Variants in TRIP4 observed in about 807,000 individuals in gnomAD.
TRIP4 encodes thyroid hormone receptor interactor 4.
A neutral mutation model predicts 81.8 loss-of-function variants in TRIP4; 54 were observed. The ratio of observed to expected loss-of-function variants is 0.66; its 90% CI spans 0.53 to 0.83. TRIP4 has a LOEUF of 0.83. TRIP4 is among the 40% of genes least tolerant of loss of function. The probability of loss-of-function intolerance (pLI) is 0.00; values close to 1 mark genes in which losing one functional copy is unlikely to be tolerated. For synonymous variants in TRIP4, 270 were observed against 242.8 expected (o/e 1.11, Z -1.04); for missense variants, 662 against 683.6 (o/e 0.97, Z 0.35).
At chr15:64,392,592 C>A (rs1342274477) in intron 1 of TRIP4, among the ~76,000 whole-genome samples, 1 of 151,988 alleles carries the variant, frequency 6.6e-6, no homozygotes, top group African/African-American at 2.4e-5. Flanking sequence ...CTCAGCCTCC[C>A]AAAGTGCTGG....
Position 64,413,540 on chromosome 15 carries a change from C to T in TRIP4, c.1044-545C>T, listed in dbSNP as rs1429945571. Among the ~76,000 whole-genome samples the T allele has an allele frequency of 5.3e-5, 8 of 151,810 alleles. 1 individual carries two copies. The highest frequency in any genetic ancestry group is 1.9e-4 in the East Asian group (1 of 5,186). On this transcript the variant is annotated intron_variant, in intron 7 of 12. Coordinates refer to ENST00000261884, the MANE Select transcript of TRIP4 (RefSeq NM_016213.5). Reference sequence around the variant, plus strand: ...TTGTTGAGCAGGTGAATGACTGTAGCGTGCCCTATGTATTTTCTTGGTATT... The same window carrying T: ...TTGTTGAGCAGGTGAATGACTGTAGTGTGCCCTATGTATTTTCTTGGTATT...
rs752075004 is a variant in TRIP4 at position 64,424,018 on chromosome 15, C to T, written c.1359-13C>T. 5 of 1,612,918 alleles carry T rather than the reference C, an allele frequency of 3.1e-6. No homozygotes were observed. The South Asian group carries it at 4.4e-5, about 14-fold the overall frequency. ...AATTTATATCCTTCCCACTAAATTT[C>T]TATTTGTTTAAGGGTGGAGGGCAGA... On this transcript the variant is annotated splice_polypyrimidine_tract_variant and intron_variant, in intron 9 of 12. Coordinates refer to ENST00000261884, the MANE Select transcript of TRIP4 (RefSeq NM_016213.5).
intron 11 of TRIP4, among the ~76,000 whole-genome samples, chr15:64,442,301 G>C (rs1354108351): frequency 1.3e-5 from 2 of 152,144 alleles, no homozygotes; most frequent in Non-Finnish European, 2.9e-5. Context: ...GAAGCCCAGG[G>C]AGACATTATG....
chr15:64,390,629 G>T (rs532240744), intron 1 of TRIP4, among the ~76,000 whole-genome samples: 2 of 151,912 alleles, frequency 1.3e-5, no homozygotes, highest in East Asian at 3.9e-4. Context: ...GGTGGCTCAC[G>T]CCTGTAATCC....
At position 64,406,455 on chromosome 15, in the gene TRIP4, A is replaced by T. The variant is rs1399723785; in HGVS notation, c.823A>T (p.Thr275Ser). ...HKDKLLEFDR[T>S]SIRRTQVIDD... Reference sequence around the variant, plus strand: ...AGACAAACTGTTAGAGTTTGACAGAACTAGGTATGAAAGGGTTAGAATAAC... The same window carrying T: ...AGACAAACTGTTAGAGTTTGACAGATCTAGGTATGAAAGGGTTAGAATAAC... The change falls in exon 6 of 13, where the codon ACT becomes TCT. Residue 275 changes from threonine (T) to serine (S), a missense_variant. Thr to Ser is a moderately conservative substitution (Grantham distance 58). Transcript: ENST00000261884. 6.2e-7 allele frequency: 1 copy of T among 1,613,608 alleles called. No homozygotes were observed. The highest frequency in any genetic ancestry group is 1.7e-5 in the Admixed American group (1 of 59,892).
At chr15:64,432,762 T>G (rs1016524308) in intron 11 of TRIP4, among the ~76,000 whole-genome samples, 4 of 151,422 alleles carry the variant, frequency 2.6e-5, no homozygotes, top group African/African-American at 9.7e-5. Context: ...ATACAAAAAA[T>G]TAGCTGGGCG....
chr15:64,395,456 A>G lies in TRIP4; in HGVS notation c.330A>G (p.Arg110=). Reference sequence around the variant, plus strand: ...TAAAGCGGGGTAGGAAGAAAGGGAGAAACAGACAGGAAGTTCCTGCATTTA... The same window carrying G: ...TAAAGCGGGGTAGGAAGAAAGGGAGGAACAGACAGGAAGTTCCTGCATTTA... ...DHLKRGRKKG[R]NRQEVPAFTE... The change falls in exon 3 of 13, where the codon AGA becomes AGG. Residue 110 remains arginine, a synonymous_variant. Transcript: ENST00000261884. 6.2e-7 allele frequency: 1 copy of G among 1,613,964 alleles called. No individual in the cohort carries two copies. Among genetic ancestry groups the G allele is most frequent in the Non-Finnish European group, 8.5e-7 (1 of 1,179,952 alleles).
intron 4 of TRIP4, 55 bp downstream of exon 4, chr15:64,397,873 C>G: frequency 6.5e-7 from 1 of 1,542,912 alleles, no homozygotes; most frequent in South Asian, 1.2e-5. Context: ...ATACGCAGAG[C>G]CAGTCAGATC....
At chr15:64,441,498 G>T (rs1892517280) in intron 11 of TRIP4, among the ~76,000 whole-genome samples, 1 of 149,772 alleles carries the variant, frequency 6.7e-6, no homozygotes, top group East Asian at 2.0e-4. Context: ...AGAGGGCCGG[G>T]CGTGGTGGCT....
At chr15:64,433,328 G>A (rs932129649) in intron 11 of TRIP4, among the ~76,000 whole-genome samples, 4 of 151,958 alleles carry the variant, frequency 2.6e-5, no homozygotes, top group Non-Finnish European at 4.4e-5. Flanking sequence ...CCCTCCTTTA[G>A]GGATGAAATA....
At chr15:64,407,750 C>G (rs1038591805) in intron 6 of TRIP4, among the ~76,000 whole-genome samples, 2 of 152,034 alleles carry the variant, frequency 1.3e-5, no homozygotes, top group African/African-American at 2.4e-5. Context: ...CCTATTGTTG[C>G]TGTTTTGCTG....
chr15:64,436,921 A>G (rs1278382657), intron 11 of TRIP4, among the ~76,000 whole-genome samples: 1 of 150,820 alleles, frequency 6.6e-6, no homozygotes, highest in Non-Finnish European at 1.5e-5. Context: ...GTTGGCCAGG[A>G]TGGTCTCCAT....
chr15:64,388,004 G>T, intron 1 of TRIP4, 40 bp downstream of exon 1: 1 of 1,521,020 alleles, frequency 6.6e-7, no homozygotes. Flanking sequence ...GGAGCTCTGG[G>T]ATGTGCACTG....
intron 11 of TRIP4, among the ~76,000 whole-genome samples, chr15:64,438,205 G>A (rs1214226589): frequency 6.6e-6 from 1 of 152,164 alleles, no homozygotes; most frequent in Non-Finnish European, 1.5e-5. Flanking sequence ...CTAGCCATTG[G>A]GAAAATAAAA....
At chr15:64,432,763 T>A (rs1892305569) in intron 11 of TRIP4, among the ~76,000 whole-genome samples, 1 of 151,324 alleles carries the variant, frequency 6.6e-6, no homozygotes, top group Non-Finnish European at 1.5e-5. Flanking sequence ...TACAAAAAAT[T>A]AGCTGGGCGT....
intron 11 of TRIP4, among the ~76,000 whole-genome samples, chr15:64,443,636 G>T (rs1208658827): frequency 6.6e-6 from 1 of 152,204 alleles, no homozygotes; most frequent in African/African-American, 2.4e-5. Flanking sequence ...TAAGAAAGAA[G>T]AGGGTTTACC....
intron 4 of TRIP4, among the ~76,000 whole-genome samples, chr15:64,398,874 C>T (rs1009814041): frequency 1.3e-5 from 2 of 151,464 alleles, no homozygotes; most frequent in South Asian, 2.1e-4. Flanking sequence ...TTGGTAAAGG[C>T]ATCCGTTTTA....
intron 1 of TRIP4, among the ~76,000 whole-genome samples, chr15:64,393,151 ATT>A (rs947519077): frequency 2.4e-4 from 32 of 130,680 alleles, no homozygotes; most frequent in African/African-American, 5.4e-4. Context: ...TTGTATGTTA[ATT>A]TTTTTTTTTT....
chr15:64,421,008 T>A (rs1412820074), intron 9 of TRIP4, among the ~76,000 whole-genome samples: 2 of 151,722 alleles, frequency 1.3e-5, no homozygotes, highest in Non-Finnish European at 2.9e-5. Context: ...ACAACAGTGG[T>A]CCCATAAGAT....
Sources: allele counts gnomAD v4.1 joint callset (sites outside exome capture counted in the v4.1 genomes callset), GRCh38; gene constraint gnomAD v4.1.1; transcripts MANE v1.5; gene names NCBI Gene and HGNC (gene_info 2026-07-23, HGNC 2026-07-21).